The following DNM3 variants were observed in gnomAD, a reference collection of about 807,000 sequenced individuals.
DNM3 encodes the protein dynamin 3.
DNM3 carries 47 observed loss-of-function variants against 101.6 expected under a neutral mutation model. The ratio of observed to expected loss-of-function variants is 0.46; its 90% CI spans 0.37 to 0.59. The LOEUF (loss-of-function observed/expected upper bound fraction) is 0.59, where lower values mean the gene tolerates loss of function less well. Among genes scored for constraint, DNM3 ranks in the 20% least tolerant of loss-of-function variants. The probability of loss-of-function intolerance (pLI) is 0.00; values close to 1 mark genes in which losing one functional copy is unlikely to be tolerated. For missense variants in DNM3, 849 were observed against 1,085.7 expected (o/e 0.78, Z 3.06); for synonymous variants, 385 against 387.9 (o/e 0.99, Z 0.09).
At chr1:171,935,616 C>T (rs368588140) in intron 2 of DNM3, among the ~76,000 whole-genome samples, 21 of 152,088 alleles carry the variant, frequency 1.4e-4, no homozygotes, top group East Asian at 1.9e-4. Context: ...CTTCCTCCAG[C>T]GCCATGTTGA....
intron 1 of DNM3, among the ~76,000 whole-genome samples, chr1:171,904,950 T>C (rs1240540792): frequency 1.3e-5 from 2 of 152,134 alleles, no homozygotes; most frequent in African/African-American, 4.8e-5. Context: ...CTACAGGCCT[T>C]GCCTAATTTT....
At chr1:172,337,981 A>G (rs1285429845) in intron 17 of DNM3, among the ~76,000 whole-genome samples, 1 of 149,942 alleles carries the variant, frequency 6.7e-6, no homozygotes, top group African/African-American at 2.5e-5. Context: ...CAATGGTGCA[A>G]TCTTGGCTCA....
intron 10 of DNM3, among the ~76,000 whole-genome samples, chr1:172,068,584 G>A (rs1039369684): frequency 1.3e-5 from 2 of 152,128 alleles, no homozygotes; most frequent in Admixed American, 6.6e-5. Flanking sequence ...TTCTTCCTAA[G>A]GAATTGCTCT....
intron 17 of DNM3, among the ~76,000 whole-genome samples, chr1:172,378,720 G>A (rs1474197625): frequency 6.6e-6 from 1 of 151,984 alleles, no homozygotes; most frequent in African/African-American, 2.4e-5. Flanking sequence ...AGATTAGATT[G>A]TTCTCTGGAG....
rs2054070563 is a variant in DNM3, at chr1:172,093,772, T to C, written c.1545+897T>C. On this transcript the variant is annotated intron_variant, in intron 13 of 20. Transcript: ENST00000627582. Reference sequence around the variant, plus strand: ...CTTTACTGTTGCTTTTTCATTTAGCTTCCCAAGGGCACAGTTTGTCTTTAA... The same window carrying C: ...CTTTACTGTTGCTTTTTCATTTAGCCTCCCAAGGGCACAGTTTGTCTTTAA... 3 of 1,574,082 alleles carry C rather than the reference T, an allele frequency of 1.9e-6. No individual in the cohort carries two copies. In the African/African-American group the frequency reaches 4.1e-5, roughly 22 times the overall value.
At chr1:172,289,047 T>C (rs2063804233) in intron 15 of DNM3, among the ~76,000 whole-genome samples, 1 of 152,124 alleles carries the variant, frequency 6.6e-6, no homozygotes, top group African/African-American at 2.4e-5. Flanking sequence ...TAAAGCGATA[T>C]ATTGAAAAGT....
At chr1:172,132,164 G>T (rs1319506784) in intron 14 of DNM3, among the ~76,000 whole-genome samples, 1 of 152,158 alleles carries the variant, frequency 6.6e-6, no homozygotes, top group Non-Finnish European at 1.5e-5. Context: ...GCCACGAAGG[G>T]CATGTGTTCA....
chr1:171,842,596 A>T lies in DNM3; in HGVS notation c.161+779A>T, dbSNP rs543997622. Among the ~76,000 whole-genome samples the T allele has an allele frequency of 3.3e-4, 50 of 152,134 alleles. No individual in the cohort carries two copies. The South Asian group carries it at 7.9e-3, about 24-fold the overall frequency. ...TGTCCAGGTGCCATGTCATTCCTGC[A>T]TCATCTCGGAACTGACCAGCATCTT... On this transcript the variant is annotated intron_variant, in intron 1 of 20. Coordinates refer to ENST00000627582, the MANE Select transcript of DNM3 (RefSeq NM_015569.5).
chr1:172,381,364 T>A (rs1488349341), intron 18 of DNM3, among the ~76,000 whole-genome samples: 1 of 152,028 alleles, frequency 6.6e-6, no homozygotes, highest in Non-Finnish European at 1.5e-5. Context: ...CTTATGAAAT[T>A]GTGGCTTTGT....
chr1:171,916,256 C>T (rs1021220249), intron 1 of DNM3, among the ~76,000 whole-genome samples: 2 of 152,162 alleles, frequency 1.3e-5, no homozygotes, highest in Non-Finnish European at 2.9e-5. Flanking sequence ...TTTTGTGCCT[C>T]TGTTTTCTCA....
At chr1:172,305,093 A>G (rs1006812111) in intron 15 of DNM3, among the ~76,000 whole-genome samples, 74 of 152,362 alleles carry the variant, frequency 4.9e-4, no homozygotes, top group African/African-American at 1.8e-3. Context: ...TGAATCGAGG[A>G]GCTCATTTTT....
At chr1:172,182,053 T>C (rs2059367952) in intron 14 of DNM3, among the ~76,000 whole-genome samples, 1 of 152,054 alleles carries the variant, frequency 6.6e-6, no homozygotes, top group African/African-American at 2.4e-5. Context: ...GTCGATTTCT[T>C]TGAGTTTTTG....
At chr1:172,304,722 A>G (rs979719848) in intron 15 of DNM3, among the ~76,000 whole-genome samples, 3 of 152,238 alleles carry the variant, frequency 2.0e-5, no homozygotes, top group African/African-American at 7.2e-5. Flanking sequence ...ACTCAGGATT[A>G]AGAAACTCAC....
chr1:172,110,908 C>T (rs968580362), intron 13 of DNM3, among the ~76,000 whole-genome samples: 5 of 152,124 alleles, frequency 3.3e-5, no homozygotes, highest in African/African-American at 7.2e-5. Context: ...AGGTGGCATG[C>T]GCCTTTAGTG....
At chr1:172,275,018 C>T (rs2063225745) in intron 15 of DNM3, among the ~76,000 whole-genome samples, 2 of 152,002 alleles carry the variant, frequency 1.3e-5, no homozygotes, top group African/African-American at 4.8e-5. Context: ...TGTTATTGGC[C>T]ATCACAAATG....
At chr1:171,998,101 G>A (rs745403634) in intron 4 of DNM3, among the ~76,000 whole-genome samples, 5 of 152,114 alleles carry the variant, frequency 3.3e-5, no homozygotes, top group African/African-American at 4.8e-5. Flanking sequence ...GCTGATGCAT[G>A]ATAAAAGTGC....
At chr1:171,968,747 C>T (rs781210911) in intron 2 of DNM3, among the ~76,000 whole-genome samples, 1 of 152,034 alleles carries the variant, frequency 6.6e-6, no homozygotes, top group Non-Finnish European at 1.5e-5. Flanking sequence ...AGCGAAAGTC[C>T]AGTCTTCTGT....
intron 14 of DNM3, among the ~76,000 whole-genome samples, chr1:172,172,665 A>G (rs2059005500): frequency 6.6e-6 from 1 of 151,722 alleles, no homozygotes. Flanking sequence ...GGGTCATGTG[A>G]CCAATAGAGA....
At chr1:172,057,454 G>A (rs1402080978) in intron 10 of DNM3, among the ~76,000 whole-genome samples, 1 of 152,192 alleles carries the variant, frequency 6.6e-6, no homozygotes, top group Non-Finnish European at 1.5e-5. Context: ...GAAAGGTCGA[G>A]TTACCCTCAA....
Sources: gnomAD v4.1 joint callset for allele counts (sites outside exome capture counted in the v4.1 genomes callset) on GRCh38, gnomAD v4.1.1 for gene constraint, MANE v1.5 for transcripts, NCBI Gene and HGNC (gene_info 2026-07-23, HGNC 2026-07-21) for gene names.